The following SLC25A21 variants were observed in gnomAD, a reference collection of about 807,000 sequenced individuals.
SLC25A21 encodes the protein solute carrier family 25 member 21.
In SLC25A21, 47 loss-of-function variants were observed where a neutral mutation model predicts 43.8. The observed-to-expected ratio is 1.07, with a 90% CI of 0.85 to 1.37. The LOEUF (loss-of-function observed/expected upper bound fraction) is 1.37, where lower values mean the gene tolerates loss of function less well. Among genes scored for constraint, SLC25A21 ranks in the 40% most tolerant of loss-of-function variants. The probability of loss-of-function intolerance (pLI) is 0.00; values close to 1 mark genes in which losing one functional copy is unlikely to be tolerated. For missense variants in SLC25A21, 352 were observed against 350.2 expected (o/e 1.00, Z -0.04); for synonymous variants, 131 against 121.3 (o/e 1.08, Z -0.52).
At chr14:37,162,232 G>A (rs899440801) in intron 1 of SLC25A21, among the ~76,000 whole-genome samples, 1 of 152,078 alleles carries the variant, frequency 6.6e-6, no homozygotes, top group Admixed American at 6.6e-5. Context: ...CACTCTGATG[G>A]TAGTTTCTTT....
chr14:36,754,037 C>T (rs1384994871), intron 3 of SLC25A21, among the ~76,000 whole-genome samples: 4 of 152,020 alleles, frequency 2.6e-5, no homozygotes, highest in African/African-American at 9.6e-5. Flanking sequence ...TTTTTGGAAA[C>T]TTTTACCTGA....
intron 1 of SLC25A21, among the ~76,000 whole-genome samples, chr14:37,009,382 A>G (rs1960680349): frequency 6.6e-6 from 1 of 152,092 alleles, no homozygotes; most frequent in Admixed American, 6.6e-5. Flanking sequence ...GCTACTCAAG[A>G]GGCTGAGGCA....
At chr14:37,164,639 T>A (rs1226764546) in intron 1 of SLC25A21, among the ~76,000 whole-genome samples, 19 of 152,194 alleles carry the variant, frequency 1.2e-4, no homozygotes. Flanking sequence ...CTAGTATACA[T>A]ACTATTAAGG....
At chr14:37,162,190 A>G (rs1355334714) in intron 1 of SLC25A21, among the ~76,000 whole-genome samples, 1 of 152,106 alleles carries the variant, frequency 6.6e-6, no homozygotes, top group African/African-American at 2.4e-5. Flanking sequence ...GAAATTTCTG[A>G]AAATTTTCTC....
chr14:37,001,397 T>C (rs1960486391), intron 1 of SLC25A21, among the ~76,000 whole-genome samples: 1 of 152,140 alleles, frequency 6.6e-6, no homozygotes, highest in Admixed American at 6.6e-5. Flanking sequence ...GTTAAATAGT[T>C]TGCTCAAGGG....
intron 1 of SLC25A21, among the ~76,000 whole-genome samples, chr14:37,171,122 AGGGGAGGGGAGGGGAGGGGT>A (rs1158279032): frequency 2.1e-3 from 3 of 1,398 alleles, no homozygotes; most frequent in Non-Finnish European, 4.7e-3. Context: ...GGGGGAGGGG[AGGGGAGGGGAGGGGAGGGGT>A]GGGGAGGGGA....
chr14:37,106,922 T>C (rs923868067), intron 1 of SLC25A21, among the ~76,000 whole-genome samples: 5 of 152,208 alleles, frequency 3.3e-5, no homozygotes, highest in African/African-American at 1.2e-4. Context: ...CGTTGAAATA[T>C]TGGGGGCGGG....
intron 1 of SLC25A21, among the ~76,000 whole-genome samples, chr14:37,111,270 C>T (rs1252092706): frequency 6.6e-6 from 1 of 152,176 alleles, no homozygotes; most frequent in African/African-American, 2.4e-5. Context: ...CTGTCACCAA[C>T]CGTCTTCTGT....
intron 1 of SLC25A21, among the ~76,000 whole-genome samples, chr14:37,122,303 A>G (rs1237292120): frequency 6.6e-6 from 1 of 152,216 alleles, no homozygotes; most frequent in Non-Finnish European, 1.5e-5. Context: ...TCATGTCTAA[A>G]TTCTTTACTT....
intron 1 of SLC25A21, among the ~76,000 whole-genome samples, chr14:37,056,567 A>G (rs930643300): frequency 2.0e-5 from 3 of 152,004 alleles, no homozygotes; most frequent in Admixed American, 6.6e-5. Flanking sequence ...AGATGCAGAC[A>G]CACACATCTC....
intron 1 of SLC25A21, among the ~76,000 whole-genome samples, chr14:37,160,854 C>T (rs1161172853): frequency 6.6e-6 from 1 of 151,350 alleles, no homozygotes; most frequent in Non-Finnish European, 1.5e-5. Context: ...CGCTTGAACC[C>T]AGGAGGCAGA....
At chr14:36,818,205 T>C (rs975190951) in intron 2 of SLC25A21, among the ~76,000 whole-genome samples, 1 of 152,172 alleles carries the variant, frequency 6.6e-6, no homozygotes, top group African/African-American at 2.4e-5. Context: ...AATAGTACTT[T>C]GCAGAGACAA....
At chr14:37,071,824 A>G (rs563449103) in intron 1 of SLC25A21, among the ~76,000 whole-genome samples, 22 of 152,304 alleles carry the variant, frequency 1.4e-4, no homozygotes, top group African/African-American at 3.6e-4. Context: ...GCTGCTGAAG[A>G]AGAAAAATGC....
At chr14:36,900,257 C>T (rs1014262026) in intron 1 of SLC25A21, among the ~76,000 whole-genome samples, 1 of 151,960 alleles carries the variant, frequency 6.6e-6, no homozygotes, top group African/African-American at 2.4e-5. Context: ...AGAAGGGCTT[C>T]GATTGGCCTC....
At position 36,818,640 on chromosome 14, in the gene SLC25A21, G is replaced by C. The variant is rs551664328; in HGVS notation, c.120-4639C>G. 6.6e-5 allele frequency among the ~76,000 whole-genome samples: 10 copies of C among 152,288 alleles called. No individual in the cohort carries two copies. The South Asian group carries it at 2.1e-3, about 32-fold the overall frequency. On this transcript the variant is annotated intron_variant, in intron 2 of 9. Transcript: ENST00000331299. ...TGCAGAGAAAGTACTTGCAGTATTTGGTTGCAGTATTTTGTTCCATTACAC... is the reference window on the plus strand; with the variant it reads ...TGCAGAGAAAGTACTTGCAGTATTTCGTTGCAGTATTTTGTTCCATTACAC...
Position 36,678,651 on chromosome 14 carries a change from G to A in SLC25A21, c.*2007C>T, listed in dbSNP as rs1177371386. ...AATGTTTTTAGGTGGCTGTTAGGGG[G>A]CTTTAAAAAATATTACTTGCTTGTG... On this transcript the variant is annotated 3_prime_UTR_variant, in exon 10 of 10. Transcript: ENST00000331299. 4 of 1,257,014 alleles carry A rather than the reference G, an allele frequency of 3.2e-6. No individual in the cohort carries two copies. Among genetic ancestry groups the A allele is most frequent in the Non-Finnish European group, 3.0e-6 (3 of 1,000,954 alleles). The allele number at this position is 1,257,014 out of a possible 1,614,324, so 77.9% of individuals were successfully genotyped here. A position where few individuals can be genotyped will look rare whatever the true frequency, so the allele number is the denominator to read the frequency against.
intron 3 of SLC25A21, among the ~76,000 whole-genome samples, chr14:36,787,680 T>A (rs1336198398): frequency 6.6e-6 from 1 of 152,208 alleles, no homozygotes; most frequent in African/African-American, 2.4e-5. Flanking sequence ...TGAGTAAATA[T>A]TGCTTTCTAG....
intron 7 of SLC25A21, among the ~76,000 whole-genome samples, chr14:36,708,153 T>A (rs1243860895): frequency 5.3e-5 from 8 of 152,184 alleles, no homozygotes; most frequent in African/African-American, 1.9e-4. Flanking sequence ...AACTCCCTAC[T>A]GTAGGATACT....
intron 1 of SLC25A21, among the ~76,000 whole-genome samples, chr14:36,999,747 G>T (rs973791455): frequency 2.0e-5 from 3 of 152,112 alleles, no homozygotes; most frequent in Non-Finnish European, 4.4e-5. Flanking sequence ...CAAGCAAGTT[G>T]TAAAGTAAAA....
Sources: gnomAD v4.1 joint callset for allele counts (sites outside exome capture counted in the v4.1 genomes callset) on GRCh38, gnomAD v4.1.1 for gene constraint, MANE v1.5 for transcripts, NCBI Gene and HGNC (gene_info 2026-07-23, HGNC 2026-07-21) for gene names.